Variants in ZNF100 observed in about 807,000 individuals in gnomAD.
ZNF100 encodes zinc finger protein 100, also known as zinc finger protein 100 (Y1).
In ZNF100, 12 loss-of-function variants were observed where a neutral mutation model predicts 15.8. The ratio of observed to expected loss-of-function variants is 0.76; its 90% CI spans 0.49 to 1.23. ZNF100 has a LOEUF of 1.23. Ranked by LOEUF, ZNF100 falls within the 50% of genes most tolerant of loss-of-function variation. The probability of loss-of-function intolerance (pLI) is 0.00; values close to 1 mark genes in which losing one functional copy is unlikely to be tolerated. For missense variants in ZNF100, 670 were observed against 635.6 expected (o/e 1.05, Z -0.58); for synonymous variants, 226 against 214.8 (o/e 1.05, Z -0.45).
chr19:21,732,189 A>G (rs1437391125), intron 4 of ZNF100, among the ~76,000 whole-genome samples: 1 of 152,236 alleles, frequency 6.6e-6, no homozygotes, highest in Non-Finnish European at 1.5e-5. Flanking sequence ...AAAATTGCTA[A>G]TATTTTATGT....
chr19:21,750,354 C>T (rs905519039), intron 2 of ZNF100, among the ~76,000 whole-genome samples: 2 of 152,054 alleles, frequency 1.3e-5, no homozygotes, highest in Admixed American at 6.6e-5. Flanking sequence ...TATATAAAAA[C>T]AGCATCATTC....
chr19:21,760,619 CCAGA>C (rs1320950078), intron 2 of ZNF100, among the ~76,000 whole-genome samples: 6 of 151,974 alleles, frequency 3.9e-5, no homozygotes, highest in Admixed American at 6.6e-5. Context: ...ACTTTGCCAT[CCAGA>C]CAATCATCTT....
At chr19:21,742,050 C>T (rs2036118646) in intron 4 of ZNF100, among the ~76,000 whole-genome samples, 1 of 152,070 alleles carries the variant, frequency 6.6e-6, no homozygotes, top group African/African-American at 2.4e-5. Context: ...AATCCCAGCA[C>T]TCTGGGAGGC....
At position 21,725,635 on chromosome 19, in the gene ZNF100, ATAATT is replaced by A. The variant is rs1398940513; in HGVS notation, c.*1043_*1047del. 9.2e-5 allele frequency: 14 copies of A among 152,306 alleles called. No individual in the cohort carries two copies. Among genetic ancestry groups the A allele is most frequent in the African/African-American group, 3.4e-4 (14 of 41,584 alleles). The allele number at this position is 152,306 out of a possible 1,614,324, so 9.4% of individuals were successfully genotyped here. On this transcript the variant is annotated 3_prime_UTR_variant, in exon 5 of 5. Transcript: ENST00000358296. ...AATAGGAGTGAAGAAAAGGCAGGAA[ATAATT>A]TAAGAGTTGAATTACATTATTACTC...
At position 21,727,372 on chromosome 19, in the gene ZNF100, C is replaced by T; in HGVS notation, c.940G>A (p.Val314Met). The change falls in exon 5 of 5, where the codon GTG (valine) becomes ATG (methionine). Residue 314 changes from valine (V) to methionine (M), a missense_variant. By Grantham distance (21) the Val-to-Met change is conservative. Coordinates refer to ENST00000358296, the MANE Select transcript of ZNF100 (RefSeq NM_173531.4). ...LTTHKRIHTG[V>M]KPYKCTECGK... ...CATTCTGTACATTTGTAGGGTTTCA[C>T]TCCAGTATGAATTCTTTTATGTGTA... 1.2e-6 allele frequency: 2 copies of T among 1,612,962 alleles called. No individual in the cohort carries two copies. Among genetic ancestry groups the T allele is most frequent in the Non-Finnish European group, 1.7e-6 (2 of 1,179,798 alleles).
At chr19:21,733,330 A>ATTG (rs770017942) in intron 4 of ZNF100, among the ~76,000 whole-genome samples, 12,442 of 152,104 alleles carry the variant, frequency 0.082, 639 homozygotes, top group South Asian at 0.18. Context: ...AAATATAACA[A>ATTG]CAGAGGTTTT....
intron 2 of ZNF100, chr19:21,751,210 T>C (rs1453283256): frequency 3.1e-6 from 4 of 1,298,064 alleles, no homozygotes; most frequent in East Asian, 2.3e-5. Context: ...GTATAGCTCA[T>C]GCTCAACAAT....
intron 4 of ZNF100, among the ~76,000 whole-genome samples, chr19:21,739,965 A>G (rs35407033): frequency 0.092 from 13,977 of 152,252 alleles, 852 homozygotes; most frequent in South Asian, 0.18. Flanking sequence ...AAAAATCTCA[A>G]TAGCACAGTT....
At position 21,723,196 on chromosome 19, in the gene ZNF100, TA is replaced by T. The variant is rs901772214; in HGVS notation, c.*3486del. 7.0e-3 allele frequency: 979 copies of T among 139,856 alleles called. 11 individuals are homozygous for T. The highest frequency in any genetic ancestry group is 0.022 in the African/African-American group (834 of 38,258). 8.7% of individuals were successfully genotyped at this position (139,856 alleles called of 1,614,324 possible). ...GTGAAACTTCGTCTCTACAAAAAAT[TA>T]AAAAAAAAAAAATTCAGCCAGATGT... On this transcript the variant is annotated 3_prime_UTR_variant, in exon 5 of 5. Transcript: ENST00000358296.
Position 21,722,821 on chromosome 19 carries a change from A to T in ZNF100, c.*3862T>A, listed in dbSNP as rs1238277054. The stretch of plus-strand genomic sequence containing the variant: ...TTAATAAAAGTATGTTACATAATAA[A>T]AAATAAATTTAAAATTGTTCACTTA... On this transcript the variant is annotated 3_prime_UTR_variant, in exon 5 of 5. Transcript: ENST00000358296. The T allele has an allele frequency of 6.6e-6, 1 of 151,394 alleles. No homozygotes were observed. The highest frequency in any genetic ancestry group is 6.6e-5 in the Admixed American group (1 of 15,182). 9.4% of individuals were successfully genotyped at this position (151,394 alleles called of 1,614,324 possible). A position where few individuals can be genotyped will look rare whatever the true frequency, so the allele number is the denominator to read the frequency against.
chr19:21,752,010 A>G, intron 2 of ZNF100: 1 of 330,238 alleles, frequency 3.0e-6, no homozygotes, highest in Non-Finnish European at 5.5e-6. Context: ...CAGCAAAATT[A>G]GTGTTTTCAT....
intron 1 of ZNF100, 59 bp from the exon 2 acceptor site, chr19:21,765,845 A>G: frequency 6.6e-7 from 1 of 1,520,484 alleles, no homozygotes; most frequent in Non-Finnish European, 9.1e-7. Context: ...TGACAGAACC[A>G]TGGCGGATAT....
Position 21,767,539 on chromosome 19 carries a change from G to A in ZNF100, c.-110C>T, listed in dbSNP as rs537866610. ...AGGAGCAGAAGACACAGAGAAGTGA[G>A]AGCAAAACCTGGAGCTCCGGCTACA... is the stretch of plus-strand genomic sequence containing the variant. On this transcript the variant is annotated 5_prime_UTR_variant, in exon 1 of 5. Coordinates refer to ENST00000358296, the MANE Select transcript of ZNF100 (RefSeq NM_173531.4). 3.6e-5 allele frequency: 53 copies of A among 1,491,072 alleles called. No individual in the cohort carries two copies. Among genetic ancestry groups the A allele is most frequent in the South Asian group, 3.1e-4 (25 of 80,272 alleles). The allele number at this position is 1,491,072 out of a possible 1,614,324, so 92.4% of individuals were successfully genotyped here. A position where few individuals can be genotyped will look rare whatever the true frequency, so the allele number is the denominator to read the frequency against.
Position 21,760,181 on chromosome 19 carries a change from C to CA in ZNF100, c.96+5512dup, listed in dbSNP as rs58849505. Among the ~76,000 whole-genome samples the CA allele has an allele frequency of 1.6e-3, 216 of 133,984 alleles. 11 individuals carry two copies. The highest frequency in any genetic ancestry group is 3.6e-3 in the African/African-American group (129 of 35,788). The allele number at this position is 133,984 out of a possible 152,430, so 87.9% of individuals were successfully genotyped here. ...TGAGCAAAATAGTGAGACTCCGTCT[C>CA]AAAAAAAAAAAAAAGGAAATTGCTA... On this transcript the variant is annotated intron_variant, in intron 2 of 4. Coordinates refer to ENST00000358296, the MANE Select transcript of ZNF100 (RefSeq NM_173531.4).
At chr19:21,741,590 C>G (rs4352176) in intron 4 of ZNF100, among the ~76,000 whole-genome samples, 129,855 of 151,962 alleles carry the variant, frequency 0.85, 56,028 homozygotes, top group Middle Eastern at 0.93. Context: ...GGTCAGGCTG[C>G]TCTTGAACTC....
rs1406150917 is a variant in ZNF100, at chr19:21,744,050, T to C, written c.289A>G (p.Ile97Val). 11 of 1,612,920 alleles carry C rather than the reference T, an allele frequency of 6.8e-6. No individual in the cohort carries two copies. The highest frequency in any genetic ancestry group is 9.3e-6 in the Non-Finnish European group (11 of 1,179,658). The change falls in exon 4 of 5, where the codon ATA becomes GTA. Residue 97 changes from isoleucine to valine, a missense_variant. By Grantham distance (29) the Ile-to-Val change is conservative. Coordinates refer to ENST00000358296, the MANE Select transcript of ZNF100 (RefSeq NM_173531.4). Reference protein sequence around the residue: ...CLEQGKEPWNIKRHEMVAKPP... With the variant: ...CLEQGKEPWNVKRHEMVAKPP... The stretch of plus-strand genomic sequence containing the variant: ...TTGGCTACCATCTCATGTCTCTTTA[T>C]ATTCCAGGGCTCTTTTCCTTGCTCC...
At chr19:21,756,207 A>C (rs1825415129) in intron 2 of ZNF100, among the ~76,000 whole-genome samples, 1 of 152,198 alleles carries the variant, frequency 6.6e-6, no homozygotes, top group African/African-American at 2.4e-5. Context: ...TAGGCATTGA[A>C]GGTACATACT....
At chr19:21,749,341 C>T (rs2036265043) in intron 2 of ZNF100, among the ~76,000 whole-genome samples, 1 of 151,498 alleles carries the variant, frequency 6.6e-6, no homozygotes, top group South Asian at 2.1e-4. Flanking sequence ...GAGACAGAAG[C>T]AGAATTAACC....
At position 21,723,991 on chromosome 19, in the gene ZNF100, A is replaced by G. The variant is rs1456687825; in HGVS notation, c.*2692T>C. On this transcript the variant is annotated 3_prime_UTR_variant, in exon 5 of 5. Transcript: ENST00000358296. ...TACATTTAAAAATTTTGTATGCACT[A>G]AATTTTGTAAAAATTATTCTTATAA... 1 of 152,232 alleles carries G rather than the reference A, an allele frequency of 6.6e-6. No individual in the cohort carries two copies. The highest frequency in any genetic ancestry group is 1.9e-4 in the East Asian group (1 of 5,204). 9.4% of individuals were successfully genotyped at this position (152,232 alleles called of 1,614,324 possible).
Sources: allele counts gnomAD v4.1 joint callset (sites outside exome capture counted in the v4.1 genomes callset), GRCh38; gene constraint gnomAD v4.1.1; transcripts MANE v1.5; gene names NCBI Gene and HGNC (gene_info 2026-07-23, HGNC 2026-07-21).